CRB1: variants seen among roughly 807,000 people sequenced by gnomAD.
The protein encoded by CRB1 is protein crumbs homolog 1.
Under a neutral mutation model 120.0 loss-of-function variants are expected in CRB1, and 83 were observed. The ratio of observed to expected loss-of-function variants is 0.69; its 90% confidence interval spans 0.58 to 0.83. The LOEUF (loss-of-function observed/expected upper bound fraction) is 0.83, where lower values mean the gene tolerates loss of function less well. CRB1 is among the 40% of genes least tolerant of loss of function. The pLI is 0.00. For missense variants in CRB1, 1,699 were observed against 1,687.6 expected, an observed-to-expected ratio of 1.01 and a Z score of -0.12; for synonymous variants, 625 against 612.5, an observed-to-expected ratio of 1.02 and a Z score of -0.30.
chr1:197,219,455 ATCCATGAGACACTGTCTAGTGCCAGG>A, the CRB1 span, among the ~76,000 whole-genome samples: 2 of 152,214 alleles, frequency 1.3e-5, no homozygotes, highest in African/African-American at 4.8e-5. Flanking sequence ...AAAAGAGACA[ATCCATGAGACACTGTCTAGTGCCAGG>A]TCCATAAAGC....
upstream of CRB1, among the ~76,000 whole-genome samples, chr1:197,263,996 T>C (rs996721731): frequency 1.3e-5 from 2 of 152,208 alleles, no homozygotes; most frequent in Admixed American, 1.3e-4. Context: ...TATTTGTATG[T>C]ATTTAAAAGG....
chr1:197,260,863 A>T, the CRB1 span, among the ~76,000 whole-genome samples: 16 of 151,984 alleles, frequency 1.1e-4, no homozygotes, highest in East Asian at 3.1e-3. Flanking sequence ...CGCCCAACTA[A>T]TTTTTGTATT....
At chr1:197,415,647 T>C (rs1231318776) in intron 5 of CRB1, among the ~76,000 whole-genome samples, 14 of 136,910 alleles carry the variant, frequency 1.0e-4, no homozygotes, top group East Asian at 8.3e-4. Context: ...TTTTCTTTTT[T>C]TTTTTTTTTT....
rs1655219707 is a variant in CRB1, at chr1:197,276,555, TTA to T, written c.70+8075_70+8076del. On this transcript the variant is annotated intron_variant, in intron 1 of 11. Transcript: ENST00000367400. ...GACAAAAACCAAATAAATAAGTAAATTATGTAATTGTGAGCTGGCAAAAAGTG... is the reference window on the plus strand; with the variant it reads ...GACAAAAACCAAATAAATAAGTAAATTGTAATTGTGAGCTGGCAAAAAGTG... Among the ~76,000 whole-genome samples, 5 of 151,716 alleles carry T rather than the reference TTA, an allele frequency of 3.3e-5. No homozygotes were observed. In the South Asian group the frequency reaches 1.0e-3, roughly 31 times the overall value.
chr1:197,383,551 C>A (rs921615556), intron 5 of CRB1, among the ~76,000 whole-genome samples: 1 of 152,176 alleles, frequency 6.6e-6, no homozygotes. Flanking sequence ...TATACAAAGA[C>A]CCTTTTCAGA....
At chr1:197,345,230 C>A (rs1018678400) in intron 3 of CRB1, among the ~76,000 whole-genome samples, 1 of 152,144 alleles carries the variant, frequency 6.6e-6, no homozygotes, top group African/African-American at 2.4e-5. Context: ...AAGATTAGCA[C>A]TTAAAATTAT....
At chr1:197,201,899 A>G in the CRB1 span, among the ~76,000 whole-genome samples, 1 of 152,236 alleles carries the variant, frequency 6.6e-6, no homozygotes, top group Non-Finnish European at 1.5e-5. Context: ...AAATGTTTAT[A>G]TAAGCGTAAA....
chr1:197,375,134 G>T (rs909645441), intron 5 of CRB1, among the ~76,000 whole-genome samples: 23 of 151,982 alleles, frequency 1.5e-4, no homozygotes, highest in African/African-American at 5.6e-4. Flanking sequence ...ATAACTGTTG[G>T]GTCTGAGATT....
At chr1:197,311,512 A>T (rs926793177) in intron 1 of CRB1, among the ~76,000 whole-genome samples, 1 of 152,212 alleles carries the variant, frequency 6.6e-6, no homozygotes, top group African/African-American at 2.4e-5. Context: ...CTTGTATTTC[A>T]TTAAAAATTC....
chr1:197,230,644 C>A, the CRB1 span, among the ~76,000 whole-genome samples: 5 of 152,110 alleles, frequency 3.3e-5, no homozygotes, highest in East Asian at 7.7e-4. Flanking sequence ...ACTTCCATGT[C>A]TACCAGTGGT....
In CRB1 at chr1:197,328,525, C is replaced by T; in HGVS notation, c.174C>T (p.Asp58=). 4 of 1,614,170 alleles carry T rather than the reference C, an allele frequency of 2.5e-6. No homozygotes were observed. Among genetic ancestry groups the T allele is most frequent in the Non-Finnish European group, 3.4e-6 (4 of 1,179,998 alleles). The change falls in exon 2 of 12, where the codon GAC becomes GAT. Residue 58 remains aspartate (D), a synonymous_variant. Coordinates refer to ENST00000367400, the MANE Select transcript of CRB1 (RefSeq NM_201253.3). ...FSKDNDCSCS[D]TANNLDKDCD... The stretch of plus-strand genomic sequence containing the variant: ...AAGACAATGATTGTTCTTGTTCAGA[C>T]ACAGCCAATAATTTGGACAAAGACT...
chr1:197,204,347 A>T, the CRB1 span, among the ~76,000 whole-genome samples: 2 of 152,158 alleles, frequency 1.3e-5, no homozygotes, highest in African/African-American at 4.8e-5. Flanking sequence ...TTCTTTAAGG[A>T]ATCTCCTCCG....
At chr1:197,419,116 A>G (rs1478349810) in intron 5 of CRB1, among the ~76,000 whole-genome samples, 1 of 152,210 alleles carries the variant, frequency 6.6e-6, no homozygotes, top group Non-Finnish European at 1.5e-5. Flanking sequence ...TGATGTAAAT[A>G]CTATTATTAA....
chr1:197,475,614 G>T (rs534152056), intron 11 of CRB1, among the ~76,000 whole-genome samples: 5 of 152,256 alleles, frequency 3.3e-5, no homozygotes, highest in African/African-American at 4.8e-5. Flanking sequence ...TCATGCTTTT[G>T]CTTAAATATC....
chr1:197,438,711 G>C (rs1404083213), intron 10 of CRB1, 36 bp downstream of exon 10: 2 of 1,608,712 alleles, frequency 1.2e-6, no homozygotes, highest in Admixed American at 3.3e-5. Context: ...AGAGAATTCT[G>C]AGCTAAAGAA....
At chr1:197,323,513 C>T (rs1018461028) in intron 1 of CRB1, among the ~76,000 whole-genome samples, 1 of 151,996 alleles carries the variant, frequency 6.6e-6, no homozygotes. Flanking sequence ...TAAAAGGGGT[C>T]ATTCAAAAGC....
chr1:197,447,918 T>C (rs747333), intron 11 of CRB1, among the ~76,000 whole-genome samples: 1 of 151,904 alleles, frequency 6.6e-6, no homozygotes, highest in African/African-American at 2.4e-5. Flanking sequence ...TTTTTTACTG[T>C]CTGTGCTGTA....
At chr1:197,257,708 C>T in the CRB1 span, among the ~76,000 whole-genome samples, 1 of 152,162 alleles carries the variant, frequency 6.6e-6, no homozygotes, top group East Asian at 1.9e-4. Flanking sequence ...TACCGCTAAT[C>T]CAATGAAACC....
intron 1 of CRB1, among the ~76,000 whole-genome samples, chr1:197,286,173 T>C (rs1343708034): frequency 1.3e-5 from 2 of 151,944 alleles, no homozygotes; most frequent in African/African-American, 4.8e-5. Flanking sequence ...TTCCTTCATG[T>C]GGCATCAGTT....
Sources: gnomAD v4.1 joint callset for allele counts (sites outside exome capture counted in the v4.1 genomes callset) on GRCh38, gnomAD v4.1.1 for gene constraint, MANE v1.5 for transcripts, NCBI Gene and HGNC (gene_info 2026-07-23, HGNC 2026-07-21) for gene names.